Variants in VEPH1 observed in about 807,000 individuals in gnomAD.
VEPH1 encodes ventricular zone-expressed PH domain-containing protein homolog 1.
Under a neutral mutation model 85.2 loss-of-function variants are expected in VEPH1, and 80 were observed. The observed-to-expected ratio is 0.94, with a 90% CI of 0.78 to 1.13. The LOEUF is 1.13. Ranked by LOEUF, VEPH1 falls within the 50% of genes most tolerant of loss-of-function variation. VEPH1 has a pLI of 0.00. For synonymous variants in VEPH1, 297 were observed against 348.0 expected (o/e 0.85, Z 1.63); for missense variants, 955 against 980.5 (o/e 0.97, Z 0.35).
chr3:157,378,157 G>A (rs1283212011), intron 7 of VEPH1, among the ~76,000 whole-genome samples: 8 of 151,956 alleles, frequency 5.3e-5, no homozygotes, highest in East Asian at 1.9e-4. Flanking sequence ...CTGAAACCAC[G>A]TCATTAAAAT....
At chr3:157,447,707 G>A (rs1393544948) in intron 4 of VEPH1, among the ~76,000 whole-genome samples, 1 of 150,204 alleles carries the variant, frequency 6.7e-6, no homozygotes, top group Non-Finnish European at 1.5e-5. Flanking sequence ...TGATTCTTCT[G>A]CCTCAGCCTC....
At chr3:157,355,504 A>C (rs1310476089) in intron 9 of VEPH1, among the ~76,000 whole-genome samples, 2 of 152,228 alleles carry the variant, frequency 1.3e-5, no homozygotes, top group African/African-American at 4.8e-5. Context: ...GCCCAACACC[A>C]GGTGATTTGA....
At chr3:157,266,447 A>G (rs1431029610) in intron 12 of VEPH1, among the ~76,000 whole-genome samples, 1 of 152,028 alleles carries the variant, frequency 6.6e-6, no homozygotes, top group East Asian at 1.9e-4. Flanking sequence ...GGCACATGGC[A>G]TGTTTCTTAT....
intron 9 of VEPH1, among the ~76,000 whole-genome samples, chr3:157,325,446 T>G (rs1721794079): frequency 6.6e-6 from 1 of 152,198 alleles, no homozygotes; most frequent in African/African-American, 2.4e-5. Context: ...CTGCCTAGAT[T>G]TTCTTCTCGG....
intron 12 of VEPH1, chr3:157,285,054 A>C (rs1173023805): frequency 6.6e-6 from 1 of 152,218 alleles, no homozygotes; most frequent in Non-Finnish European, 1.5e-5. Flanking sequence ...CTTGGAGTGA[A>C]AACTCTTCAG....
chr3:157,459,629 T>C, intron 4 of VEPH1: 1 of 1,271,660 alleles, frequency 7.9e-7, no homozygotes, highest in African/African-American at 1.5e-5. Context: ...ATATTTTGCA[T>C]GAACTAATTT....
rs138364558 is a variant in VEPH1, at chr3:157,421,302, C to T, written c.696+7020G>A. ...CCAGCCCTGGAAAGCCATGCTATCC[C>T]AGGTCACAGAAGGTGGGTAGTGAGA... On this transcript the variant is annotated intron_variant, in intron 5 of 13. Coordinates refer to ENST00000362010, the MANE Select transcript of VEPH1 (RefSeq NM_001167912.2). Among the ~76,000 whole-genome samples, 61 of 152,166 alleles carry T rather than the reference C, an allele frequency of 4.0e-4. No individual in the cohort carries two copies. The East Asian group carries it at 0.011, about 27-fold the overall frequency.
At chr3:157,431,681 C>T (rs1428021899) in intron 4 of VEPH1, among the ~76,000 whole-genome samples, 1 of 152,016 alleles carries the variant, frequency 6.6e-6, no homozygotes, top group Admixed American at 6.6e-5. Context: ...ACAATCTACT[C>T]CCACCAGCAG....
intron 4 of VEPH1, among the ~76,000 whole-genome samples, chr3:157,444,899 T>C (rs552488378): frequency 6.6e-6 from 1 of 152,348 alleles, no homozygotes; most frequent in African/African-American, 2.4e-5. Context: ...AGCTAGGAGT[T>C]CTAGGGACTT....
chr3:157,281,600 T>C (rs1716136536), intron 12 of VEPH1, among the ~76,000 whole-genome samples: 1 of 151,742 alleles, frequency 6.6e-6, no homozygotes, highest in African/African-American at 2.4e-5. Context: ...TGCAGTGGCA[T>C]GATCTTGGCT....
chr3:157,498,190 C>T, intron 1 of VEPH1, among the ~76,000 whole-genome samples: 1 of 152,218 alleles, frequency 6.6e-6, no homozygotes, highest in Non-Finnish European at 1.5e-5. Flanking sequence ...AAGTCATCTG[C>T]TCATCTAGGA....
rs143495069 is a variant in VEPH1 at position 157,446,697 on chromosome 3, G to A, written c.529+13484C>T. Among the ~76,000 whole-genome samples the A allele has an allele frequency of 5.3e-3, 804 of 152,256 alleles. 5 individuals are homozygous for A. Among genetic ancestry groups the A allele is most frequent in the African/African-American group, 0.018 (749 of 41,540 alleles). ...AGCCACTTAAGAAATGCACTCCTAA[G>A]GTTAAAGTCTTGGTTAAGGTAATTG... is the stretch of plus-strand genomic sequence containing the variant. On this transcript the variant is annotated intron_variant, in intron 4 of 13. Transcript: ENST00000362010.
In VEPH1 at chr3:157,376,585, T is replaced by C. The variant is rs541309465; in HGVS notation, c.1127+4571A>G. Among the ~76,000 whole-genome samples the C allele has an allele frequency of 2.6e-5, 4 of 152,350 alleles. No homozygotes were observed. In the East Asian group the frequency reaches 7.7e-4, roughly 29 times the overall value. ...ATAAATGCTTTGCTTGGCTGTCCTG[T>C]TATTTAGCCTCTGTTGGTTTATTAT... On this transcript the variant is annotated intron_variant, in intron 7 of 13. Transcript: ENST00000362010.
At chr3:157,345,306 A>G (rs1276705578) in intron 9 of VEPH1, among the ~76,000 whole-genome samples, 2 of 152,240 alleles carry the variant, frequency 1.3e-5, no homozygotes, top group African/African-American at 2.4e-5. Context: ...TCCAGAATCT[A>G]CAAAGAACTC....
intron 12 of VEPH1, among the ~76,000 whole-genome samples, chr3:157,275,919 G>T (rs1239598501): frequency 6.6e-6 from 1 of 152,116 alleles, no homozygotes; most frequent in Non-Finnish European, 1.5e-5. Flanking sequence ...TATGCAAAAA[G>T]AGGGCTAGAA....
chr3:157,439,287 G>C (rs1255549175), intron 4 of VEPH1, among the ~76,000 whole-genome samples: 2 of 152,164 alleles, frequency 1.3e-5, no homozygotes, highest in African/African-American at 2.4e-5. Context: ...ATATTAGTTA[G>C]AGCAGAAGAG....
chr3:157,460,063 A>G (rs774988306), intron 4 of VEPH1, 118 bp downstream of exon 4: 1 of 1,602,916 alleles, frequency 6.2e-7, no homozygotes, highest in Non-Finnish European at 8.5e-7. Flanking sequence ...AGCAAAACAG[A>G]GAAATTAATT....
chr3:157,462,175 A>G (rs1259102799), intron 3 of VEPH1, among the ~76,000 whole-genome samples: 1 of 151,216 alleles, frequency 6.6e-6, no homozygotes, highest in Non-Finnish European at 1.5e-5. Context: ...TTAAACAGAC[A>G]CGTTACAAAA....
intron 7 of VEPH1, among the ~76,000 whole-genome samples, chr3:157,368,483 G>GT (rs1559999915): frequency 1.1e-5 from 1 of 92,152 alleles, no homozygotes; most frequent in Non-Finnish European, 2.6e-5. Context: ...TAAGTTTTTT[G>GT]TTTGTTTGTT....
Sources: allele counts gnomAD v4.1 joint callset (sites outside exome capture counted in the v4.1 genomes callset), GRCh38; gene constraint gnomAD v4.1.1; transcripts MANE v1.5; gene names NCBI Gene and HGNC (gene_info 2026-07-23, HGNC 2026-07-21).